Variants in DLG2 observed in about 807,000 individuals in gnomAD.
The protein encoded by DLG2 is disks large homolog 2.
In DLG2, 45 loss-of-function variants were observed where a neutral mutation model predicts 132.5. The observed-to-expected ratio is 0.34, with a 90% confidence interval of 0.27 to 0.44. The LOEUF (loss-of-function observed/expected upper bound fraction) is 0.44. Ranked by LOEUF, DLG2 falls within the 20% of genes least tolerant of loss-of-function variation. DLG2 has a pLI of 1.00. For missense variants in DLG2, 1,045 were observed against 1,196.9 expected (o/e 0.87, Z 1.87); for synonymous variants, 424 against 419.6 (o/e 1.01, Z -0.13).
At chr11:83,790,988 C>A in intron 17 of DLG2, 1 of 810,666 alleles carries the variant, frequency 1.2e-6, no homozygotes, top group Non-Finnish European at 2.1e-6. Flanking sequence ...GGTCTCCGTT[C>A]TGAGAAGCCG....
At chr11:84,334,378 A>C (rs1432860378) in intron 7 of DLG2, among the ~76,000 whole-genome samples, 1 of 152,182 alleles carries the variant, frequency 6.6e-6, no homozygotes, top group African/African-American at 2.4e-5. Flanking sequence ...TAATTCTTTC[A>C]AGTTACTTAA....
At chr11:85,520,148 G>A (rs1209132819) in intron 3 of DLG2, among the ~76,000 whole-genome samples, 1 of 151,868 alleles carries the variant, frequency 6.6e-6, no homozygotes, top group African/African-American at 2.4e-5. Flanking sequence ...CCAAAGTGCT[G>A]GGATTACAGG....
chr11:84,914,845 G>T (rs1385423481), intron 6 of DLG2, among the ~76,000 whole-genome samples: 1 of 152,132 alleles, frequency 6.6e-6, no homozygotes, highest in African/African-American at 2.4e-5. Context: ...TTTCTCTTGG[G>T]GTTATTGTGA....
At chr11:84,496,006 C>G (rs2099182300) in intron 7 of DLG2, among the ~76,000 whole-genome samples, 1 of 152,044 alleles carries the variant, frequency 6.6e-6, no homozygotes. Context: ...AAGATGGGAC[C>G]AAGAAGGTCA....
At chr11:85,211,459 TA>T (rs947549859) in intron 4 of DLG2, among the ~76,000 whole-genome samples, 1 of 152,142 alleles carries the variant, frequency 6.6e-6, no homozygotes, top group African/African-American at 2.4e-5. Flanking sequence ...CCCCAACAAC[TA>T]AGTTCCCTTG....
chr11:85,026,620 A>C (rs992104015), intron 6 of DLG2, among the ~76,000 whole-genome samples: 1 of 152,016 alleles, frequency 6.6e-6, no homozygotes, highest in Non-Finnish European at 1.5e-5. Flanking sequence ...GGAGGATCAC[A>C]AGGTCAGGAG....
At chr11:84,755,580 C>A (rs565851862) in intron 6 of DLG2, among the ~76,000 whole-genome samples, 2 of 152,178 alleles carry the variant, frequency 1.3e-5, no homozygotes, top group Non-Finnish European at 2.9e-5. Flanking sequence ...CCCGCCACCA[C>A]GCCCGGCTAA....
intron 6 of DLG2, among the ~76,000 whole-genome samples, chr11:84,820,931 A>G (rs2077600156): frequency 6.6e-6 from 1 of 151,742 alleles, no homozygotes; most frequent in African/African-American, 2.4e-5. Flanking sequence ...GTTACCCTGA[A>G]TTGTTTCTCA....
intron 6 of DLG2, among the ~76,000 whole-genome samples, chr11:84,592,445 A>G (rs372040964): frequency 2.0e-5 from 3 of 152,174 alleles, no homozygotes; most frequent in African/African-American, 7.2e-5. Context: ...AGCAATGGCA[A>G]CAAAAACCGA....
chr11:84,332,539 C>G (rs2098465767), intron 7 of DLG2, among the ~76,000 whole-genome samples: 1 of 111,210 alleles, frequency 9.0e-6, no homozygotes, highest in Non-Finnish European at 1.7e-5. Flanking sequence ...TTGAGACAGT[C>G]TCGCTCTGTT....
At chr11:85,474,355 A>G (rs1472584719) in intron 3 of DLG2, among the ~76,000 whole-genome samples, 2 of 152,038 alleles carry the variant, frequency 1.3e-5, no homozygotes, top group Non-Finnish European at 2.9e-5. Flanking sequence ...ATCTTATCAT[A>G]TAGACTCAAA....
chr11:83,496,532 C>T (rs564914325), intron 21 of DLG2, among the ~76,000 whole-genome samples: 12 of 152,124 alleles, frequency 7.9e-5, no homozygotes, highest in Non-Finnish European at 1.6e-4. Context: ...TTACCTCAAA[C>T]TGGAAACTAC....
At chr11:83,564,729 A>T (rs2096672681) in intron 19 of DLG2, among the ~76,000 whole-genome samples, 1 of 152,226 alleles carries the variant, frequency 6.6e-6, no homozygotes, top group Non-Finnish European at 1.5e-5. Flanking sequence ...TGCAACAAGG[A>T]TTAAATAAAA....
intron 21 of DLG2, among the ~76,000 whole-genome samples, chr11:83,499,774 CAT>C (rs890177890): frequency 6.4e-5 from 9 of 139,930 alleles, no homozygotes; most frequent in Admixed American, 1.5e-4. Context: ...AATAAACTCC[CAT>C]ATATATATAT....
chr11:83,771,249 T>G lies in DLG2; in HGVS notation c.1825+15441A>C, dbSNP rs542879215. 3.9e-5 allele frequency among the ~76,000 whole-genome samples: 6 copies of G among 152,336 alleles called. No homozygotes were observed. In the South Asian group the frequency reaches 1.0e-3, roughly 26 times the overall value. On this transcript the variant is annotated intron_variant, in intron 18 of 27. Transcript: ENST00000376104. The stretch of plus-strand genomic sequence containing the variant: ...TCTTTGTGTTTCTGCTGCTCATTAC[T>G]AAGTATACAACAGTGGGGAATTGTC...
intron 4 of DLG2, among the ~76,000 whole-genome samples, chr11:85,271,600 C>G (rs1057191532): frequency 2.6e-5 from 4 of 152,226 alleles, no homozygotes; most frequent in Non-Finnish European, 5.9e-5. Flanking sequence ...CCTTGCATAG[C>G]CAGAGGGGCT....
intron 9 of DLG2, among the ~76,000 whole-genome samples, chr11:84,120,147 A>G (rs765781997): frequency 9.9e-5 from 15 of 152,204 alleles, no homozygotes; most frequent in Non-Finnish European, 1.8e-4. Context: ...ATAATTCTCA[A>G]GTGTGCCTAA....
intron 11 of DLG2, among the ~76,000 whole-genome samples, chr11:83,999,657 T>C (rs898740214): frequency 5.3e-5 from 8 of 152,064 alleles, no homozygotes; most frequent in African/African-American, 1.9e-4. Context: ...GGCCCAAAGA[T>C]TGGACTGCTT....
intron 6 of DLG2, among the ~76,000 whole-genome samples, chr11:85,035,585 A>T (rs1025925157): frequency 6.6e-6 from 1 of 152,170 alleles, no homozygotes; most frequent in African/African-American, 2.4e-5. Flanking sequence ...ACCTTCCACC[A>T]AGTCCCTCTT....
Sources: allele counts gnomAD v4.1 joint callset (sites outside exome capture counted in the v4.1 genomes callset), GRCh38; gene constraint gnomAD v4.1.1; transcripts MANE v1.5; gene names NCBI Gene and HGNC (gene_info 2026-07-23, HGNC 2026-07-21).